The following SLC22A17 variants were observed in gnomAD, a reference collection of about 807,000 sequenced individuals.
The protein encoded by SLC22A17 is solute carrier family 22 member 17.
SLC22A17 carries 38 observed loss-of-function variants against 53.6 expected under a neutral mutation model. That is an observed-to-expected ratio of 0.71 (90% CI 0.55 to 0.93). SLC22A17 has a LOEUF of 0.93. Ranked by LOEUF, SLC22A17 falls within the 40% of genes least tolerant of loss-of-function variation. The pLI is 0.00. For synonymous variants in SLC22A17, 379 were observed against 353.0 expected (o/e 1.07, Z -0.82); for missense variants, 704 against 791.0 (o/e 0.89, Z 1.32).
In SLC22A17 at chr14:23,352,011, G is replaced by T. The variant is rs1889663511; in HGVS notation, c.537C>A (p.Asn179Lys). The T allele has an allele frequency of 6.2e-7, 1 of 1,611,754 alleles. No individual in the cohort carries two copies. Among genetic ancestry groups the T allele is most frequent in the Non-Finnish European group, 8.5e-7 (1 of 1,179,042 alleles). Residue 179 changes from asparagine to lysine, a missense_variant, in exon 2 of 10, where the codon AAC (asparagine) becomes AAA (lysine). By Grantham distance (94) the Asn-to-Lys change is moderately conservative. Transcript: ENST00000397267. This position sits in a 1 kb window ranked among gnomAD's most constrained non-coding sequence, Gnocchi z 7.2. ...TATAGTCCCAATCCTTGAGGCAATG[G>T]TTGAAGTCCGGCGGGGCGAAGCCGC...
At position 23,348,102 on chromosome 14, in the gene SLC22A17, C is replaced by T; in HGVS notation, c.1171+59G>A. 6.2e-7 allele frequency: 1 copy of T among 1,610,682 alleles called. No homozygotes were observed. Among genetic ancestry groups the T allele is most frequent in the South Asian group, 1.1e-5 (1 of 90,962 alleles). ...AGAAGGTGGCACAGCTACAGCCATG[C>T]AGAGGGCACCATCATGTGTGCAAGT... On this transcript the variant is annotated intron_variant, in intron 6 of 9. Transcript: ENST00000397267. This position sits in a 1 kb window ranked among gnomAD's most constrained non-coding sequence, Gnocchi z 4.5.
Position 23,347,086 on chromosome 14 carries a change from C to T in SLC22A17, c.1661+15G>A, listed in dbSNP as rs111968147. ...GGGGGCCCGGCTCTGCCCCTGGGGG[C>T]ACCCCTGCTCTCACCGGACAGTGGT... On this transcript the variant is annotated intron_variant, in intron 9 of 9. Coordinates refer to ENST00000397267, the Ensembl canonical transcript of SLC22A17. This position sits in a 1 kb window ranked among gnomAD's most constrained non-coding sequence, Gnocchi z 5.1. 44 of 1,604,052 alleles carry T rather than the reference C, an allele frequency of 2.7e-5. 1 individual carries two copies. In the African/African-American group the frequency reaches 2.9e-4, roughly 11 times the overall value.
At chr14:23,346,786 C>A in exon 10 of SLC22A17, 2 of 1,543,052 alleles carry the variant, frequency 1.3e-6, no homozygotes, top group East Asian at 4.8e-5. Context: ...TGGTCTCCGG[C>A]AGCAGCATAA....
Position 23,347,064 on chromosome 14 carries a change from G to T in SLC22A17, c.1661+37C>A, listed in dbSNP as rs1889256540. 1.3e-6 allele frequency: 2 copies of T among 1,578,616 alleles called. No homozygotes were observed. Among genetic ancestry groups the T allele is most frequent in the African/African-American group, 2.7e-5 (2 of 74,290 alleles). ...GGGGTGGGGGAGCGGGAGGCGAGGG[G>T]GCCCGGCTCTGCCCCTGGGGGCACC... On this transcript the variant is annotated intron_variant, in intron 9 of 9. Coordinates refer to ENST00000397267, the Ensembl canonical transcript of SLC22A17. This position sits in a 1 kb window ranked among gnomAD's most constrained non-coding sequence, Gnocchi z 5.1.
rs771520676 is a variant in SLC22A17 at position 23,352,583 on chromosome 14, C to A, written c.96+63G>T. 2.6e-5 allele frequency: 11 copies of A among 415,684 alleles called. No individual in the cohort carries two copies. The highest frequency in any genetic ancestry group is 1.2e-3 in the Middle Eastern group (2 of 1,696). 25.7% of individuals were successfully genotyped at this position (415,684 alleles called of 1,614,324 possible). ...GGATGCGCAGGAGGAAAATGCCAGA[C>A]GCTCCGCGGGGGCGGGGGTGCTGGG... On this transcript the variant is annotated intron_variant, in intron 1 of 9. Coordinates refer to ENST00000397267, the Ensembl canonical transcript of SLC22A17. The surrounding 1 kb of genome is among the most constrained non-coding windows in gnomAD (Gnocchi z 7.2).
chr14:23,347,678 C>T lies in SLC22A17; in HGVS notation c.1331G>A (p.Ser444Asn), dbSNP rs34185750. 1 of 1,614,044 alleles carries T rather than the reference C, an allele frequency of 6.2e-7. No individual in the cohort carries two copies. Among genetic ancestry groups the T allele is most frequent in the Middle Eastern group, 1.6e-4 (1 of 6,062 alleles). The change falls in exon 8 of 10, where the codon AGC becomes AAC. Residue 444 changes from serine (S) to asparagine (N), a missense_variant. Around this residue, in one of 4 missense-constraint regions of SLC22A17, gnomAD observed 435 missense variants for 529.0 expected, o/e 0.82. Coordinates refer to ENST00000397267, the Ensembl canonical transcript of SLC22A17. The surrounding 1 kb of genome is among the most constrained non-coding windows in gnomAD (Gnocchi z 5.1). The stretch of plus-strand genomic sequence containing the variant: ...AGAGCACAGGTAGAAGTCCGATGGG[C>T]TCCCTCCTCCTCCCACAGGCTGGTA...
rs1164746118 is a variant in SLC22A17 at position 23,347,496 on chromosome 14, G to A, written c.1513C>T (p.Pro505Ser). The change falls in exon 8 of 10, where the codon CCC becomes TCC. Residue 505 changes from proline (P) to serine (S), a missense_variant. Pro to Ser is a moderately conservative substitution (Grantham distance 74). Transcript: ENST00000397267. This position sits in a 1 kb window ranked among gnomAD's most constrained non-coding sequence, Gnocchi z 5.1. ...TTCCCTTGTTGAGCCCACACTGTGGGGAAGATAGGATGCTCACAATCCCAC... is the reference window on the plus strand; with the variant it reads ...TTCCCTTGTTGAGCCCACACTGTGGAGAAGATAGGATGCTCACAATCCCAC... The A allele has an allele frequency of 6.2e-7, 1 of 1,614,036 alleles. No individual in the cohort carries two copies. Among genetic ancestry groups the A allele is most frequent in the Admixed American group, 1.7e-5 (1 of 60,004 alleles).
chr14:23,350,461 G>A (rs1889552223), intron 3 of SLC22A17, among the ~76,000 whole-genome samples: 1 of 152,198 alleles, frequency 6.6e-6, no homozygotes, highest in African/African-American at 2.4e-5. Flanking sequence ...GACCAGGGGA[G>A]ATGAGACTAT....
At position 23,347,780 on chromosome 14, in the gene SLC22A17, G is replaced by T. The variant is rs373964685; in HGVS notation, c.1278-49C>A. On this transcript the variant is annotated intron_variant, in intron 7 of 9. Coordinates refer to ENST00000397267, the Ensembl canonical transcript of SLC22A17. This position sits in a 1 kb window ranked among gnomAD's most constrained non-coding sequence, Gnocchi z 5.1. Reference sequence around the variant, plus strand: ...ACGAACAGAGCCTGAATCCCCTCCCGCAGCCTTCTACAGTGCTGATGGTCC... The same window carrying T: ...ACGAACAGAGCCTGAATCCCCTCCCTCAGCCTTCTACAGTGCTGATGGTCC... 8.7e-6 allele frequency: 14 copies of T among 1,609,076 alleles called. No homozygotes were observed. The highest frequency in any genetic ancestry group is 1.1e-5 in the Non-Finnish European group (13 of 1,176,868).
rs764945189 is a variant in SLC22A17, at chr14:23,348,032, C to T, written c.1172-36G>A. 2 of 1,612,646 alleles carry T rather than the reference C, an allele frequency of 1.2e-6. No homozygotes were observed. Among genetic ancestry groups the T allele is most frequent in the East Asian group, 2.2e-5 (1 of 44,870 alleles). On this transcript the variant is annotated intron_variant, in intron 6 of 9. Transcript: ENST00000397267. The surrounding 1 kb of genome is among the most constrained non-coding windows in gnomAD (Gnocchi z 4.5). ...GAGAGAGGAGCTGTCAGAAGAAAAC[C>T]CTGAGATCCCAGGATCCTCCCACAT... is the stretch of plus-strand genomic sequence containing the variant.
chr14:23,347,869 C>T lies in SLC22A17; in HGVS notation c.1277+22G>A. 6.2e-7 allele frequency: 1 copy of T among 1,613,430 alleles called. No homozygotes were observed. Among genetic ancestry groups the T allele is most frequent in the Admixed American group, 1.7e-5 (1 of 60,022 alleles). ...CCATTCCAGCTACTGGCCTGGCCCT[C>T]AGCCCAGACACCCAGGCTCACTTGG... is the stretch of plus-strand genomic sequence containing the variant. On this transcript the variant is annotated intron_variant, in intron 7 of 9. Coordinates refer to ENST00000397267, the Ensembl canonical transcript of SLC22A17. The surrounding 1 kb of genome is among the most constrained non-coding windows in gnomAD (Gnocchi z 5.1).
At chr14:23,346,853 C>T in exon 10 of SLC22A17, 3 of 1,539,320 alleles carry the variant, frequency 1.9e-6, no homozygotes, top group Non-Finnish European at 2.6e-6. Flanking sequence ...CAGGAAGGCT[C>T]CATGGCCCAT....
chr14:23,348,376 C>T lies in SLC22A17; in HGVS notation c.1026-70G>A. 1 of 1,595,984 alleles carries T rather than the reference C, an allele frequency of 6.3e-7. No individual in the cohort carries two copies. Among genetic ancestry groups the T allele is most frequent in the Non-Finnish European group, 8.6e-7 (1 of 1,168,380 alleles). On this transcript the variant is annotated intron_variant, in intron 5 of 9. Transcript: ENST00000397267. The surrounding 1 kb of genome is among the most constrained non-coding windows in gnomAD (Gnocchi z 4.5). ...CTGATCTAGGGGTGGGAAATGTGCA[C>T]CTCTGAGGGACTGGGGCTGGGGTAG...
intron 3 of SLC22A17, among the ~76,000 whole-genome samples, chr14:23,350,320 GA>G (rs1174809863): frequency 1.3e-5 from 2 of 151,138 alleles, no homozygotes; most frequent in South Asian, 2.1e-4. Flanking sequence ...AAAGAAAAAA[GA>G]AAAAAAAGAA....
chr14:23,351,928 G>A lies in SLC22A17; in HGVS notation c.600+20C>T. 1 of 1,611,368 alleles carries A rather than the reference G, an allele frequency of 6.2e-7. No homozygotes were observed. Among genetic ancestry groups the A allele is most frequent in the Non-Finnish European group, 8.5e-7 (1 of 1,178,600 alleles). ...GCTCTCTGCCCGCCCCCAGACCCGCGGCCCGCCTGGCCGCCTCACCTGGCC... is the reference window on the plus strand; with the variant it reads ...GCTCTCTGCCCGCCCCCAGACCCGCAGCCCGCCTGGCCGCCTCACCTGGCC... On this transcript the variant is annotated intron_variant, in intron 2 of 9. Transcript: ENST00000397267.
chr14:23,347,680 C>T lies in SLC22A17; in HGVS notation c.1329G>A (p.Gly443=). ...AGCACAGGTAGAAGTCCGATGGGCTCCCTCCTCCTCCCACAGGCTGGTAGC... is the reference window on the plus strand; with the variant it reads ...AGCACAGGTAGAAGTCCGATGGGCTTCCTCCTCCTCCCACAGGCTGGTAGC... Residue 443 remains glycine (G), a synonymous_variant, in exon 8 of 10, where the codon GGG becomes GGA. Coordinates refer to ENST00000397267, the Ensembl canonical transcript of SLC22A17. This position sits in a 1 kb window ranked among gnomAD's most constrained non-coding sequence, Gnocchi z 5.1. 1 of 1,614,022 alleles carries T rather than the reference C, an allele frequency of 6.2e-7. No homozygotes were observed. Among genetic ancestry groups the T allele is most frequent in the Non-Finnish European group, 8.5e-7 (1 of 1,180,012 alleles).
Position 23,347,137 on chromosome 14 carries a change from G to C in SLC22A17, c.1625C>G (p.Thr542Ser), listed in dbSNP as rs1441696402. ...GGGGATGACCTCAGCAGCAAGGAGGGTGCTGAGGATGGCGGCAGCTTGGGA... is the reference window on the plus strand; with the variant it reads ...GGGGATGACCTCAGCAGCAAGGAGGCTGCTGAGGATGGCGGCAGCTTGGGA... The change falls in exon 9 of 10, where the codon ACC becomes AGC. Residue 542 changes from threonine (T) to serine (S), a missense_variant. Thr to Ser is a moderately conservative substitution (Grantham distance 58). Around this residue, in one of 4 missense-constraint regions of SLC22A17, gnomAD observed 196 missense variants for 171.5 expected, o/e 1.14. Coordinates refer to ENST00000397267, the Ensembl canonical transcript of SLC22A17. This position sits in a 1 kb window ranked among gnomAD's most constrained non-coding sequence, Gnocchi z 5.1. The C allele has an allele frequency of 1.2e-6, 2 of 1,613,968 alleles. No homozygotes were observed. Among genetic ancestry groups the C allele is most frequent in the Non-Finnish European group, 1.7e-6 (2 of 1,179,984 alleles).
chr14:23,347,040 G>T lies in SLC22A17; in HGVS notation c.1661+61C>A, dbSNP rs1889253845. On this transcript the variant is annotated intron_variant, in intron 9 of 9. Transcript: ENST00000397267. The surrounding 1 kb of genome is among the most constrained non-coding windows in gnomAD (Gnocchi z 5.1). ...CCCGCAGGCCCTGTCCTCAGGGGTG[G>T]GGTGGGGGAGCGGGAGGCGAGGGGG... The T allele has an allele frequency of 1.3e-6, 2 of 1,533,924 alleles. No homozygotes were observed. Among genetic ancestry groups the T allele is most frequent in the Non-Finnish European group, 8.8e-7 (1 of 1,139,670 alleles).
At position 23,348,094 on chromosome 14, in the gene SLC22A17, C is replaced by T. The variant is rs1328240062; in HGVS notation, c.1171+67G>A. 2.4e-5 allele frequency: 38 copies of T among 1,608,764 alleles called. No homozygotes were observed. Among genetic ancestry groups the T allele is most frequent in the Non-Finnish European group, 3.1e-5 (36 of 1,175,966 alleles). ...ACCCTGGGAGAAGGTGGCACAGCTA[C>T]AGCCATGCAGAGGGCACCATCATGT... On this transcript the variant is annotated intron_variant, in intron 6 of 9. Coordinates refer to ENST00000397267, the Ensembl canonical transcript of SLC22A17. The surrounding 1 kb of genome is among the most constrained non-coding windows in gnomAD (Gnocchi z 4.5).
Sources: allele counts gnomAD v4.1 joint callset (sites outside exome capture counted in the v4.1 genomes callset), GRCh38; gene constraint gnomAD v4.1.1; regional missense constraint gnomAD v4.1.1; non-coding constraint Gnocchi (gnomAD v3.1); transcripts MANE v1.5; gene names NCBI Gene and HGNC (gene_info 2026-07-23, HGNC 2026-07-21).